ARHGAP21: variants seen among roughly 807,000 people sequenced by gnomAD.
ARHGAP21 encodes the protein rho GTPase-activating protein 21.
ARHGAP21 carries 38 observed loss-of-function variants against 164.6 expected under a neutral mutation model. The observed-to-expected ratio is 0.23, with a 90% confidence interval of 0.18 to 0.30. The LOEUF is 0.30. Ranked by LOEUF, ARHGAP21 falls within the 10% of genes least tolerant of loss-of-function variation. ARHGAP21 has a pLI of 1.00. For missense variants in ARHGAP21, 1,822 were observed against 2,370.7 expected, an observed-to-expected ratio of 0.77 and a Z score of 4.81; for synonymous variants, 766 against 857.9, an observed-to-expected ratio of 0.89 and a Z score of 1.87.
At chr10:24,615,113 C>A (rs1260829809) in intron 9 of ARHGAP21, among the ~76,000 whole-genome samples, 1 of 152,054 alleles carries the variant, frequency 6.6e-6, no homozygotes, top group Non-Finnish European at 1.5e-5. Flanking sequence ...TCACTTGAAC[C>A]CGGGAGGCGG....
At chr10:24,599,045 C>T (rs1232213971) in intron 14 of ARHGAP21, among the ~76,000 whole-genome samples, 1 of 152,170 alleles carries the variant, frequency 6.6e-6, no homozygotes, top group Non-Finnish European at 1.5e-5. Context: ...GTTTTCTCAT[C>T]TATAAAACTG....
At chr10:24,681,169 T>C (rs373272252) in intron 2 of ARHGAP21, among the ~76,000 whole-genome samples, 11 of 152,110 alleles carry the variant, frequency 7.2e-5, no homozygotes, top group African/African-American at 2.7e-4. Flanking sequence ...CAAACCGGCA[T>C]CCCAAACAGG....
Position 24,718,595 on chromosome 10 carries a change from G to A in ARHGAP21, c.63+3242C>T, listed in dbSNP as rs528184755. Among the ~76,000 whole-genome samples, 8 of 152,264 alleles carry A rather than the reference G, an allele frequency of 5.3e-5. No individual in the cohort carries two copies. In the East Asian group the frequency reaches 9.6e-4, roughly 18 times the overall value. On this transcript the variant is annotated intron_variant, in intron 2 of 25. Transcript: ENST00000396432. ...GCCTGAGAAGGAACTAGGGAGTCTGGGATGAAAGCAAAAGCAAACTGTCCA... is the reference window on the plus strand; with the variant it reads ...GCCTGAGAAGGAACTAGGGAGTCTGAGATGAAAGCAAAAGCAAACTGTCCA...
At chr10:24,704,415 C>T (rs908047740) in intron 2 of ARHGAP21, among the ~76,000 whole-genome samples, 3 of 151,132 alleles carry the variant, frequency 2.0e-5, no homozygotes, top group Non-Finnish European at 2.9e-5. Flanking sequence ...CTCAGCCTCC[C>T]GAGTAGCTGG....
rs1329972062 is a variant in ARHGAP21 at position 24,584,899 on chromosome 10, C to T, written c.5390G>A (p.Ser1797Asn). ...TCCTAGTGTATGTCTGCGCCGGATG[C>T]TTTTCCTTTTAGCAGTCTCGGCATT... ...KVNAETAKRK[S>N]IRRRHTLGGH... Residue 1797 changes from serine (S) to asparagine (N), a missense_variant, in exon 26 of 26, where the codon AGC becomes AAC. Transcript: ENST00000396432. The T allele has an allele frequency of 6.2e-7, 1 of 1,613,926 alleles. No individual in the cohort carries two copies. Among genetic ancestry groups the T allele is most frequent in the Non-Finnish European group, 8.5e-7 (1 of 1,179,850 alleles).
intron 2 of ARHGAP21, among the ~76,000 whole-genome samples, chr10:24,708,377 T>C (rs1271039840): frequency 6.6e-6 from 1 of 152,216 alleles, no homozygotes; most frequent in Non-Finnish European, 1.5e-5. Flanking sequence ...ACCAAAATTC[T>C]TGATTTCCTG....
At chr10:24,613,710 G>A (rs989422735) in intron 9 of ARHGAP21, among the ~76,000 whole-genome samples, 1 of 152,220 alleles carries the variant, frequency 6.6e-6, no homozygotes, top group Admixed American at 6.5e-5. Flanking sequence ...AGGAACTACT[G>A]TGAAGTAGGT....
At chr10:24,590,983 C>A (rs533153871) in intron 24 of ARHGAP21, 1 of 879,778 alleles carries the variant, frequency 1.1e-6, no homozygotes, top group East Asian at 1.2e-4. Context: ...GGTTTGCATG[C>A]TCATTTCCCT....
At chr10:24,683,628 T>A (rs1041446723) in intron 2 of ARHGAP21, among the ~76,000 whole-genome samples, 3 of 152,070 alleles carry the variant, frequency 2.0e-5, no homozygotes, top group Non-Finnish European at 4.4e-5. Flanking sequence ...TATGTCTTTA[T>A]AGTATAATGC....
rs140407306 is a variant in ARHGAP21, at chr10:24,695,398, G to A, written c.64-25001C>T. On this transcript the variant is annotated intron_variant, in intron 2 of 25. Coordinates refer to ENST00000396432, the MANE Select transcript of ARHGAP21 (RefSeq NM_020824.4). Reference sequence around the variant, plus strand: ...AGCCCGGCCAACGTGGCAAAACCCCGTCTCTACTAAAAATACAAAAATTAG... The same window carrying A: ...AGCCCGGCCAACGTGGCAAAACCCCATCTCTACTAAAAATACAAAAATTAG... Among the ~76,000 whole-genome samples, 160 of 151,870 alleles carry A rather than the reference G, an allele frequency of 1.1e-3. 3 individuals are homozygous for A. In the East Asian group the frequency reaches 0.025, roughly 24 times the overall value.
rs190199872 is a variant in ARHGAP21 at position 24,654,239 on chromosome 10, C to T, written c.268+12746G>A. On this transcript the variant is annotated intron_variant, in intron 4 of 25. Coordinates refer to ENST00000396432, the MANE Select transcript of ARHGAP21 (RefSeq NM_020824.4). ...CACACAACAGGGATGCCCTCTCTCA[C>T]CACTCCTATTCAACATAGTGTTGGA... Among the ~76,000 whole-genome samples, 75 of 152,310 alleles carry T rather than the reference C, an allele frequency of 4.9e-4. 1 individual carries two copies. The highest frequency in any genetic ancestry group is 1.2e-3 in the Admixed American group (18 of 15,298).
intron 4 of ARHGAP21, among the ~76,000 whole-genome samples, chr10:24,642,481 C>T (rs534086757): frequency 2.1e-5 from 3 of 146,252 alleles, no homozygotes; most frequent in East Asian, 2.0e-4. Flanking sequence ...CGCCACTGCA[C>T]TCCAGCCTGG....
chr10:24,691,154 T>C (rs546701496), intron 2 of ARHGAP21, among the ~76,000 whole-genome samples: 57 of 152,308 alleles, frequency 3.7e-4, no homozygotes, highest in African/African-American at 1.4e-3. Context: ...AGAGACAAGA[T>C]AACAAGCCTT....
chr10:24,622,834 T>C, intron 7 of ARHGAP21, 72 bp from the exon 8 acceptor site: 3 of 1,491,966 alleles, frequency 2.0e-6, no homozygotes, highest in Non-Finnish European at 2.8e-6. Context: ...GTCATATTGA[T>C]GCTGGAAACG....
chr10:24,607,869 A>C lies in ARHGAP21; in HGVS notation c.2457T>G (p.Ile819Met), dbSNP rs1349025358. 8.1e-6 allele frequency: 13 copies of C among 1,613,710 alleles called. No individual in the cohort carries two copies. Among genetic ancestry groups the C allele is most frequent in the Non-Finnish European group, 1.1e-5 (13 of 1,179,896 alleles). The change falls in exon 10 of 26, where the codon ATT (isoleucine) becomes ATG (methionine). Residue 819 changes from isoleucine to methionine, a missense_variant. Around this residue, in one of 5 missense-constraint regions of ARHGAP21, gnomAD observed 1,090 missense variants for 1,378.9 expected, o/e 0.79. Transcript: ENST00000396432. ...TAACAGCAGAGGCAGGGATATGTGC[A>C]ATATCATGATCAATGCTAGGGCTAG... is the stretch of plus-strand genomic sequence containing the variant. The part of the protein sequence containing the change: ...EPTSPSIDHD[I>M]AHIPASAVIS...
intron 2 of ARHGAP21, among the ~76,000 whole-genome samples, chr10:24,709,459 C>A (rs534354467): frequency 6.6e-6 from 1 of 152,066 alleles, no homozygotes; most frequent in African/African-American, 2.4e-5. Flanking sequence ...GAAAAGGGGG[C>A]GGGCACTGCG....
At chr10:24,603,686 C>T (rs147767732) in intron 12 of ARHGAP21, among the ~76,000 whole-genome samples, 47 of 152,108 alleles carry the variant, frequency 3.1e-4, no homozygotes, top group Non-Finnish European at 5.9e-4. Flanking sequence ...ATAAGGAAGG[C>T]AGCAAGTGTG....
intron 4 of ARHGAP21, among the ~76,000 whole-genome samples, chr10:24,655,732 C>T (rs1399767984): frequency 2.9e-5 from 4 of 136,268 alleles, no homozygotes; most frequent in African/African-American, 5.6e-5. Flanking sequence ...AAGTGAGGAG[C>T]GTCTCCGCCC....
intron 2 of ARHGAP21, among the ~76,000 whole-genome samples, chr10:24,670,811 CCAA>C (rs1840626410): frequency 6.6e-6 from 1 of 152,102 alleles, no homozygotes; most frequent in South Asian, 2.1e-4. Flanking sequence ...ATCAGATAGT[CCAA>C]CAGCAACAAA....
Sources: allele counts gnomAD v4.1 joint callset (sites outside exome capture counted in the v4.1 genomes callset), GRCh38; gene constraint gnomAD v4.1.1; regional missense constraint gnomAD v4.1.1; transcripts MANE v1.5; gene names NCBI Gene and HGNC (gene_info 2026-07-23, HGNC 2026-07-21).